RBM26: variants seen among roughly 807,000 people sequenced by gnomAD.
RBM26 encodes RNA binding motif protein 26.
A neutral mutation model predicts 123.6 loss-of-function variants in RBM26; 30 were observed. The observed-to-expected ratio is 0.24, with a 90% CI of 0.18 to 0.33. The LOEUF (loss-of-function observed/expected upper bound fraction) is 0.33, where lower values mean the gene tolerates loss of function less well. Among genes scored for constraint, RBM26 ranks in the 10% least tolerant of loss-of-function variants. RBM26 has a pLI of 1.00. For synonymous variants in RBM26, 400 were observed against 404.4 expected (o/e 0.99, Z 0.13); for missense variants, 947 against 1,203.6 (o/e 0.79, Z 3.15).
intron 19 of RBM26, among the ~76,000 whole-genome samples, chr13:79,335,623 C>T (rs1196326579): frequency 2.6e-5 from 4 of 152,068 alleles, no homozygotes; most frequent in Non-Finnish European, 4.4e-5. Flanking sequence ...AACCTGTGCT[C>T]ATACTTAAGA....
chr13:79,389,115 A>G (rs2077724421), intron 1 of RBM26, among the ~76,000 whole-genome samples: 1 of 152,202 alleles, frequency 6.6e-6, no homozygotes, highest in Admixed American at 6.5e-5. Context: ...TATGGAGCAG[A>G]GATATACAGA....
intron 2 of RBM26, among the ~76,000 whole-genome samples, chr13:79,377,772 A>AT (rs1275362070): frequency 1.3e-5 from 2 of 152,012 alleles, no homozygotes; most frequent in Non-Finnish European, 2.9e-5. Flanking sequence ...GCCAGGCATG[A>AT]TGGCAGGTGC....
At chr13:79,345,358 T>G (rs372021900) in intron 14 of RBM26, among the ~76,000 whole-genome samples, 21 of 152,212 alleles carry the variant, frequency 1.4e-4, no homozygotes, top group African/African-American at 5.1e-4. Flanking sequence ...ATCATTTCTC[T>G]TTTCTACCTA....
At chr13:79,404,908 T>C (rs1396434633) in intron 1 of RBM26, among the ~76,000 whole-genome samples, 2 of 152,234 alleles carry the variant, frequency 1.3e-5, no homozygotes, top group Non-Finnish European at 2.9e-5. Context: ...AGTAGGTACC[T>C]AATAACTTTA....
chr13:79,334,234 T>G (rs1189009086), intron 20 of RBM26, 110 bp downstream of exon 20: 1 of 606,428 alleles, frequency 1.6e-6, no homozygotes, highest in African/African-American at 1.9e-5. Context: ...GTTCTACCTA[T>G]TGTCAAAGCA....
chr13:79,355,118 G>T, intron 12 of RBM26, 102 bp downstream of exon 12: 1 of 1,029,434 alleles, frequency 9.7e-7, no homozygotes, highest in Non-Finnish European at 1.5e-6. Context: ...CAGAACCAGG[G>T]TATGAACTCA....
chr13:79,368,883 C>A lies in RBM26; in HGVS notation c.742G>T (p.Val248Leu). 1 of 1,613,582 alleles carries A rather than the reference C, an allele frequency of 6.2e-7. No individual in the cohort carries two copies. The highest frequency in any genetic ancestry group is 8.5e-7 in the Non-Finnish European group (1 of 1,179,634). The change falls in exon 6 of 22, where the codon GTA becomes TTA. Residue 248 changes from valine to leucine, a missense_variant. Val to Leu is a conservative substitution (Grantham distance 32). Transcript: ENST00000438737. ...VPSISSGHYPVPTLSSTITVI... is the reference protein window; with the variant it reads ...VPSISSGHYPLPTLSSTITVI... ...GTAATAGTGCTGCTCAAAGTAGGTA[C>A]AGGGTAGTGGCCAGATGAAATACTA...
At position 79,337,232 on chromosome 13, in the gene RBM26, T is replaced by C. The variant is rs770065741; in HGVS notation, c.2603A>G (p.His868Arg). 1 of 1,614,156 alleles carries C rather than the reference T, an allele frequency of 6.2e-7. No homozygotes were observed. The highest frequency in any genetic ancestry group is 8.5e-7 in the Non-Finnish European group (1 of 1,180,018). ...GIHSRGRGAVHGRGRGRGRGR... is the reference protein window; with the variant it reads ...GIHSRGRGAVRGRGRGRGRGR... Reference sequence around the variant, plus strand: ...TCGCCCTCGCCCCCTGCCTCGGCCATGAACTGCACCTCGACCTCTTGAATG... The same window carrying C: ...TCGCCCTCGCCCCCTGCCTCGGCCACGAACTGCACCTCGACCTCTTGAATG... Residue 868 changes from histidine (H) to arginine (R), a missense_variant, in exon 19 of 22, where the codon CAT becomes CGT. By Grantham distance (29) the His-to-Arg change is conservative. This residue lies in a region of RBM26 where 164 missense variants were observed against 215.3 expected (regional missense o/e 0.76). Transcript: ENST00000438737.
intron 12 of RBM26, 109 bp from the exon 13 acceptor site, chr13:79,354,679 C>A: frequency 1.0e-6 from 1 of 1,004,474 alleles, no homozygotes; most frequent in Non-Finnish European, 1.3e-6. Flanking sequence ...TTTTAAAATG[C>A]AGCTTATAGT....
At chr13:79,325,659 AAGCT>A (rs879437056) in intron 20 of RBM26, among the ~76,000 whole-genome samples, 149 of 152,306 alleles carry the variant, frequency 9.8e-4, no homozygotes, top group Middle Eastern at 3.4e-3. Flanking sequence ...TTAAAAGTAA[AAGCT>A]AGAGCAAACT....
intron 1 of RBM26, among the ~76,000 whole-genome samples, chr13:79,399,412 C>CTTCAGAAAAAAGAAACAGTAAAGT (rs2078874218): frequency 7.3e-5 from 11 of 151,692 alleles, no homozygotes; most frequent in Non-Finnish European, 1.6e-4. Context: ...CACTACTAAT[C>CTTCAGAAAAAAGAAACAGTAAAGT]TTCAGAAAAA....
At chr13:79,338,871 A>G (rs2070897703) in intron 18 of RBM26, among the ~76,000 whole-genome samples, 1 of 152,202 alleles carries the variant, frequency 6.6e-6, no homozygotes, top group South Asian at 2.1e-4. Flanking sequence ...ATAAAATTTG[A>G]TAATTAATTA....
intron 3 of RBM26, chr13:79,376,131 T>C (rs2076648367): frequency 6.6e-6 from 1 of 152,126 alleles, no homozygotes; most frequent in African/African-American, 2.4e-5. Context: ...ATGTGTGACC[T>C]AAAGCTAGGG....
chr13:79,354,327 G>A (rs763450743), intron 13 of RBM26, 112 bp downstream of exon 13: 3 of 860,236 alleles, frequency 3.5e-6, no homozygotes, highest in East Asian at 3.2e-5. Flanking sequence ...AATATGTAAA[G>A]ACTATCATAT....
intron 21 of RBM26, among the ~76,000 whole-genome samples, 166 bp from the exon 22 acceptor site, chr13:79,320,876 A>G (rs1271614700): frequency 2.0e-5 from 3 of 151,304 alleles, no homozygotes; most frequent in Non-Finnish European, 4.4e-5. Context: ...TAACCACTCA[A>G]TGGTTTCTCT....
intron 1 of RBM26, among the ~76,000 whole-genome samples, chr13:79,400,974 G>A (rs2079015218): frequency 6.6e-6 from 1 of 152,150 alleles, no homozygotes; most frequent in Non-Finnish European, 1.5e-5. Context: ...GCAAGAAAGT[G>A]ACTAGAAGCG....
intron 11 of RBM26, among the ~76,000 whole-genome samples, chr13:79,356,646 CATT>C (rs1159931574): frequency 1.3e-5 from 2 of 152,034 alleles, no homozygotes; most frequent in African/African-American, 2.4e-5. Flanking sequence ...AATAATTATA[CATT>C]TTTTAAGACT....
chr13:79,355,116 G>A (rs1377961490), intron 12 of RBM26, 104 bp downstream of exon 12: 1 of 1,000,766 alleles, frequency 1.0e-6, no homozygotes, highest in African/African-American at 1.6e-5. Flanking sequence ...TGCAGAACCA[G>A]GGTATGAACT....
At chr13:79,366,590 A>T in intron 7 of RBM26, 43 bp downstream of exon 7, 3 of 1,482,356 alleles carry the variant, frequency 2.0e-6, no homozygotes, top group Non-Finnish European at 2.7e-6. Context: ...AAATAGACTA[A>T]GAATGGCTAG....
Sources: gnomAD v4.1 joint callset for allele counts (sites outside exome capture counted in the v4.1 genomes callset) on GRCh38, gnomAD v4.1.1 for gene constraint, gnomAD v4.1.1 regional missense constraint, MANE v1.5 for transcripts, NCBI Gene and HGNC (gene_info 2026-07-23, HGNC 2026-07-21) for gene names.